TM4SF19: variants seen among roughly 807,000 people sequenced by gnomAD.
TM4SF19 encodes transmembrane 4 L6 family member 19.
TM4SF19 carries 17 observed loss-of-function variants against 21.8 expected under a neutral mutation model. The ratio of observed to expected loss-of-function variants is 0.78; its 90% CI spans 0.53 to 1.17. The LOEUF is 1.17. TM4SF19 is among the 50% of genes most tolerant of loss of function. The pLI is 0.00. For missense variants in TM4SF19, 216 were observed against 252.1 expected, an observed-to-expected ratio of 0.86 and a Z score of 0.97; for synonymous variants, 107 against 106.7, an observed-to-expected ratio of 1.00 and a Z score of -0.02.
intron 1 of TM4SF19, among the ~76,000 whole-genome samples, chr3:196,328,421 T>C (rs1727391748): frequency 6.6e-6 from 1 of 152,180 alleles, no homozygotes; most frequent in Non-Finnish European, 1.5e-5. Context: ...AAAAGATTAA[T>C]ATACAAAAAT....
At chr3:196,328,180 A>G in intron 1 of TM4SF19, among the ~76,000 whole-genome samples, 1 of 152,060 alleles carries the variant, frequency 6.6e-6, no homozygotes, top group South Asian at 2.1e-4. Flanking sequence ...GGTGCCTGTA[A>G]TCCCAGCTAC....
Position 196,327,453 on chromosome 3 carries a change from C to T in TM4SF19, c.138G>A (p.Leu46=). The change falls in exon 2 of 5, where the codon CTG becomes CTA. Residue 46 remains leucine (L), a synonymous_variant. Transcript: ENST00000273695. The part of the protein sequence containing the change: ...LLLPNWDVTY[L]LRGLLGRHAM... ...CATGCCTGCCAAGGAGGCCCCTCAACAGGTAGGTGACATCCCAGTTAGGAA... is the reference window on the plus strand; with the variant it reads ...CATGCCTGCCAAGGAGGCCCCTCAATAGGTAGGTGACATCCCAGTTAGGAA... 6.2e-7 allele frequency: 1 copy of T among 1,614,186 alleles called. No homozygotes were observed. The highest frequency in any genetic ancestry group is 8.5e-7 in the Non-Finnish European group (1 of 1,180,038).
rs115565690 is a variant in TM4SF19 at position 196,327,802 on chromosome 3, C to T, written c.-1-211G>A. On this transcript the variant is annotated intron_variant, in intron 1 of 4. Transcript: ENST00000273695. The stretch of plus-strand genomic sequence containing the variant: ...ATTTAATTGTTTCCTTTTCTGCTAA[C>T]CCCTGTTCACACATACATAGTTTGC... Among the ~76,000 whole-genome samples, 642 of 152,326 alleles carry T rather than the reference C, an allele frequency of 4.2e-3. 3 individuals are homozygous for T. Among genetic ancestry groups the T allele is most frequent in the African/African-American group, 0.014 (586 of 41,562 alleles).
chr3:196,327,629 G>A (rs1243491911), intron 1 of TM4SF19, 38 bp from the exon 2 acceptor site: 4 of 1,565,014 alleles, frequency 2.6e-6, no homozygotes, highest in Middle Eastern at 2.2e-4. Context: ...CAGCTCTGCT[G>A]TGGGGGGATG....
rs371447234 is a variant in TM4SF19, at chr3:196,337,697, A to G, written c.-2+567T>C. On this transcript the variant is annotated intron_variant, in intron 1 of 4. Coordinates refer to ENST00000273695, the MANE Select transcript of TM4SF19 (RefSeq NM_138461.4). ...TGTGCGGCAGGCAGGCGCCAAGTCA[A>G]GGGTCTAACAGCACATTTGGGTGTC... Among the ~76,000 whole-genome samples the G allele has an allele frequency of 3.3e-4, 50 of 152,302 alleles. No homozygotes were observed. In the East Asian group the frequency reaches 6.6e-3, roughly 20 times the overall value.
intron 1 of TM4SF19, among the ~76,000 whole-genome samples, chr3:196,337,665 A>G (rs994691139): frequency 6.6e-6 from 1 of 152,200 alleles, no homozygotes; most frequent in East Asian, 1.9e-4. Flanking sequence ...GGCCCCTCCC[A>G]AGTGCCTGTG....
intron 1 of TM4SF19, among the ~76,000 whole-genome samples, chr3:196,337,698 G>A (rs936778600): frequency 6.6e-6 from 1 of 152,202 alleles, no homozygotes; most frequent in Non-Finnish European, 1.5e-5. Context: ...GCCAAGTCAA[G>A]GGTCTAACAG....
rs1457766321 is a variant in TM4SF19, at chr3:196,324,426, C to CA, written c.293dup (p.Leu99ValfsTer30). 6.2e-7 allele frequency: 1 copy of CA among 1,614,142 alleles called. No homozygotes were observed. The highest frequency in any genetic ancestry group is 2.2e-5 in the East Asian group (1 of 44,884). The stretch of plus-strand genomic sequence containing the variant: ...CAAGTAAAGCCAGGCCACCTGACAA[C>CA]AGAGCAGTAAGCACCTGCGGAGGGA... On this transcript the variant is annotated frameshift_variant, in exon 4 of 5. Transcript: ENST00000273695. LOFTEE classifies it high-confidence loss of function.
chr3:196,331,257 C>T (rs935546201), intron 1 of TM4SF19, among the ~76,000 whole-genome samples: 8 of 150,652 alleles, frequency 5.3e-5, no homozygotes, highest in African/African-American at 2.0e-4. Flanking sequence ...GCCCAGGAAA[C>T]AAGAGTGAAG....
chr3:196,328,299 TAAAAAA>T (rs554680176), intron 1 of TM4SF19, among the ~76,000 whole-genome samples: 7 of 140,180 alleles, frequency 5.0e-5, no homozygotes, highest in Admixed American at 2.9e-4. Flanking sequence ...GACTCCATCT[TAAAAAA>T]AAAAAAAAGT....
At chr3:196,337,099 T>C (rs1226106633) in intron 1 of TM4SF19, among the ~76,000 whole-genome samples, 2 of 147,204 alleles carry the variant, frequency 1.4e-5, no homozygotes, top group African/African-American at 2.5e-5. Flanking sequence ...CTCGCTCTTG[T>C]TGCCCAGGCT....
At position 196,323,936 on chromosome 3, in the gene TM4SF19, C is replaced by A. The variant is rs1165758901; in HGVS notation, c.511G>T (p.Val171Phe). 1 of 1,614,064 alleles carries A rather than the reference C, an allele frequency of 6.2e-7. No homozygotes were observed. The highest frequency in any genetic ancestry group is 8.5e-7 in the Non-Finnish European group (1 of 1,180,016). Residue 171 changes from valine (V) to phenylalanine (F), a missense_variant, in exon 5 of 5, where the codon GTC becomes TTC. Coordinates refer to ENST00000273695, the MANE Select transcript of TM4SF19 (RefSeq NM_138461.4). ...SVCLEPSAAV[V>F]WHVSLFSALL... ...GCGGAGAAGAGGGACACGTGCCAGA[C>A]AACAGCTGCAGAGGGCTCCAGGCAG...
rs376426700 is a variant in TM4SF19, at chr3:196,324,340, A to C, written c.380T>G (p.Phe127Cys). 1.9e-5 allele frequency: 31 copies of C among 1,614,118 alleles called. No homozygotes were observed. Among genetic ancestry groups the C allele is most frequent in the Non-Finnish European group, 2.5e-5 (30 of 1,180,058 alleles). ...TGTCTGATTGAAGGATGAAACATCA[A>C]ACATGCAAAAAGGACCATCTTTCAG... ...VALKDGPFCM[F>C]DVSSFNQTQA... The change falls in exon 4 of 5, where the codon TTT becomes TGT. Residue 127 changes from phenylalanine (F) to cysteine (C), a missense_variant. By Grantham distance (205) the Phe-to-Cys change is radical (BLOSUM62 -2). Coordinates refer to ENST00000273695, the MANE Select transcript of TM4SF19 (RefSeq NM_138461.4).
intron 1 of TM4SF19, among the ~76,000 whole-genome samples, chr3:196,336,208 A>G (rs1409628193): frequency 1.3e-5 from 2 of 151,644 alleles, no homozygotes; most frequent in South Asian, 2.1e-4. Context: ...GCGCGGCCTC[A>G]GCTCACTGCT....
Position 196,331,644 on chromosome 3 carries a change from G to A in TM4SF19, c.-1-4053C>T, listed in dbSNP as rs144898131. 9.0e-3 allele frequency among the ~76,000 whole-genome samples: 1,365 copies of A among 152,010 alleles called. 21 individuals are homozygous for A. Among genetic ancestry groups the A allele is most frequent in the African/African-American group, 0.027 (1,121 of 41,474 alleles). ...CTCTACTAAAAATACAAAACTAGCC[G>A]GGCGTGGTGGCGCATGCCTGTAATC... is the stretch of plus-strand genomic sequence containing the variant. On this transcript the variant is annotated intron_variant, in intron 1 of 4. Transcript: ENST00000273695.
chr3:196,333,322 T>C (rs1412030411), intron 1 of TM4SF19, among the ~76,000 whole-genome samples: 1 of 152,250 alleles, frequency 6.6e-6, no homozygotes, highest in Non-Finnish European at 1.5e-5. Flanking sequence ...GTCTGTACTA[T>C]GCTTTTTCCT....
intron 1 of TM4SF19, among the ~76,000 whole-genome samples, chr3:196,329,499 T>C (rs1236277713): frequency 8.0e-6 from 1 of 125,056 alleles, no homozygotes; most frequent in Non-Finnish European, 1.8e-5. Flanking sequence ...CAAAACATGA[T>C]TAATCAGACT....
chr3:196,326,879 C>T, intron 3 of TM4SF19, 76 bp downstream of exon 3: 1 of 1,361,916 alleles, frequency 7.3e-7, no homozygotes, highest in Non-Finnish European at 1.0e-6. Flanking sequence ...CCAAAATTGC[C>T]TCTTTACCGC....
intron 1 of TM4SF19, among the ~76,000 whole-genome samples, chr3:196,334,556 C>T (rs570746825): frequency 3.2e-4 from 49 of 152,036 alleles, no homozygotes; most frequent in African/African-American, 1.1e-3. Context: ...CCGGTTCAAG[C>T]GATTGTTCTG....
Sources: allele counts gnomAD v4.1 joint callset (sites outside exome capture counted in the v4.1 genomes callset), GRCh38; gene constraint gnomAD v4.1.1; transcripts MANE v1.5; gene names NCBI Gene and HGNC (gene_info 2026-07-23, HGNC 2026-07-21).